The following ITGB8 variants were observed in gnomAD, a reference collection of about 807,000 sequenced individuals.
ITGB8 encodes the protein integrin subunit beta 8, also known as integrin beta-8.
In ITGB8, 30 loss-of-function variants were observed where a neutral mutation model predicts 89.5. That is an observed-to-expected ratio of 0.34 (90% CI 0.25 to 0.45). The LOEUF is 0.45. Ranked by LOEUF, ITGB8 falls within the 20% of genes least tolerant of loss-of-function variation. The pLI is 1.00. For missense variants in ITGB8, 836 were observed against 933.3 expected (o/e 0.90, Z 1.36); for synonymous variants, 335 against 320.4 (o/e 1.05, Z -0.49).
At chr7:20,387,366 G>C (rs1236147745) in intron 6 of ITGB8, among the ~76,000 whole-genome samples, 2 of 152,128 alleles carry the variant, frequency 1.3e-5, no homozygotes, top group African/African-American at 4.8e-5. Flanking sequence ...GTAAGTGAAG[G>C]CTTTACGAAG....
At chr7:20,361,605 C>A (rs1785507342) in intron 1 of ITGB8, among the ~76,000 whole-genome samples, 1 of 152,170 alleles carries the variant, frequency 6.6e-6, no homozygotes. Flanking sequence ...AATACTATTG[C>A]ATTAGAGGCT....
At chr7:20,376,542 C>A (rs994529602) in intron 3 of ITGB8, among the ~76,000 whole-genome samples, 4 of 152,112 alleles carry the variant, frequency 2.6e-5, no homozygotes, top group Non-Finnish European at 5.9e-5. Flanking sequence ...GGACACCTGC[C>A]CCCAAGAGTC....
At chr7:20,398,256 G>A (rs1787169832) in intron 8 of ITGB8, among the ~76,000 whole-genome samples, 2 of 152,128 alleles carry the variant, frequency 1.3e-5, no homozygotes, top group African/African-American at 2.4e-5. Context: ...AAGTCCCAAG[G>A]ACTTGGGAAA....
In ITGB8 at chr7:20,332,102, G is replaced by A. The variant is rs567623405; in HGVS notation, c.127+169G>A. The A allele has an allele frequency of 6.6e-6, 9 of 1,356,962 alleles. No homozygotes were observed. In the South Asian group the frequency reaches 9.8e-5, roughly 15 times the overall value. 84.1% of individuals were successfully genotyped at this position (1,356,962 alleles called of 1,614,324 possible). A position where few individuals can be genotyped will look rare whatever the true frequency, so the allele number is the denominator to read the frequency against. ...CCAGCACAGATGGCCTAGAGGCCAG[G>A]TGTCAAGCATTTCTGCCCTGGAGCG... is the stretch of plus-strand genomic sequence containing the variant. On this transcript the variant is annotated intron_variant, in intron 1 of 13. Coordinates refer to ENST00000222573, the MANE Select transcript of ITGB8 (RefSeq NM_002214.3).
chr7:20,347,431 T>C (rs955013063), intron 1 of ITGB8, among the ~76,000 whole-genome samples: 1 of 151,982 alleles, frequency 6.6e-6, no homozygotes, highest in African/African-American at 2.4e-5. Flanking sequence ...AAGCAAATGA[T>C]CGATAAGGAA....
chr7:20,330,320 G>A (rs556142748), upstream of ITGB8, among the ~76,000 whole-genome samples: 1 of 152,328 alleles, frequency 6.6e-6, no homozygotes, highest in East Asian at 1.9e-4. Context: ...AGGGCGTTGG[G>A]GGCAGGGGAG....
chr7:20,378,251 C>G (rs1021307280), intron 3 of ITGB8, among the ~76,000 whole-genome samples: 1 of 152,174 alleles, frequency 6.6e-6, no homozygotes, highest in Non-Finnish European at 1.5e-5. Flanking sequence ...CGACATTTGT[C>G]CTTGTGGCAG....
chr7:20,336,042 G>A (rs1784565670), intron 1 of ITGB8, among the ~76,000 whole-genome samples: 1 of 112,436 alleles, frequency 8.9e-6, no homozygotes, highest in South Asian at 3.0e-4. Context: ...GTCTTGCTCT[G>A]TCGCCCAGGC....
chr7:20,396,208 G>A, intron 8 of ITGB8, among the ~76,000 whole-genome samples: 1 of 152,086 alleles, frequency 6.6e-6, no homozygotes. Flanking sequence ...GGAGGCCGAG[G>A]CAGGTGGATC....
chr7:20,391,558 C>A, intron 7 of ITGB8, 60 bp downstream of exon 7: 1 of 822,672 alleles, frequency 1.2e-6, no homozygotes, highest in Non-Finnish European at 1.9e-6. Context: ...GAAATTAAGA[C>A]ATTTCTTTAG....
chr7:20,399,657 T>C (rs1383021523), intron 9 of ITGB8, among the ~76,000 whole-genome samples: 2 of 151,874 alleles, frequency 1.3e-5, no homozygotes, highest in African/African-American at 2.4e-5. Flanking sequence ...TCTCCAAGGA[T>C]TGGCACAACG....
At chr7:20,387,887 T>G (rs1050546479) in intron 6 of ITGB8, among the ~76,000 whole-genome samples, 1 of 152,226 alleles carries the variant, frequency 6.6e-6, no homozygotes, top group Non-Finnish European at 1.5e-5. Context: ...ATCTGATTAC[T>G]TCTATGCTAT....
chr7:20,376,204 T>C (rs1271181970), intron 3 of ITGB8, among the ~76,000 whole-genome samples: 1 of 152,186 alleles, frequency 6.6e-6, no homozygotes, highest in Non-Finnish European at 1.5e-5. Context: ...CCTTTTCATG[T>C]AGCCACGTCC....
intron 8 of ITGB8, 52 bp from the exon 9 acceptor site, chr7:20,398,808 G>T: frequency 7.5e-7 from 1 of 1,328,142 alleles, no homozygotes; most frequent in South Asian, 1.9e-5. Context: ...CTGCTTTGTT[G>T]CTGACATTTG....
chr7:20,409,825 G>C, intron 13 of ITGB8, 47 bp downstream of exon 13: 1 of 1,606,888 alleles, frequency 6.2e-7, no homozygotes. Flanking sequence ...TTATTGCCTA[G>C]TTACAATATT....
chr7:20,403,422 A>C (rs1283421815), intron 10 of ITGB8, among the ~76,000 whole-genome samples: 1 of 152,228 alleles, frequency 6.6e-6, no homozygotes, highest in Admixed American at 6.5e-5. Flanking sequence ...TTTCTATATG[A>C]GTATGATACT....
chr7:20,330,757 T>TG (rs1784349279), upstream of ITGB8: 1 of 152,052 alleles, frequency 6.6e-6, no homozygotes, highest in Non-Finnish European at 1.5e-5. Flanking sequence ...TCCGGTAGCG[T>TG]GGGGAGGTTT....
intron 12 of ITGB8, among the ~76,000 whole-genome samples, chr7:20,407,131 G>A (rs1232266898): frequency 6.6e-6 from 1 of 152,136 alleles, no homozygotes; most frequent in African/African-American, 2.4e-5. Flanking sequence ...GGTTCACTGA[G>A]GCCTTGACAG....
At position 20,379,042 on chromosome 7, in the gene ITGB8, T is replaced by C; in HGVS notation, c.389-9T>C. 3.8e-6 allele frequency: 6 copies of C among 1,567,822 alleles called. No individual in the cohort carries two copies. The highest frequency in any genetic ancestry group is 5.2e-6 in the Non-Finnish European group (6 of 1,159,794). On this transcript the variant is annotated splice_polypyrimidine_tract_variant and intron_variant, in intron 3 of 13. Transcript: ENST00000222573. ...AAGACTACATGATGTTTTTCTTCTA[T>C]TGAACTAGGAGCCGAAGCTAATTTT...
Sources: gnomAD v4.1 joint callset for allele counts (sites outside exome capture counted in the v4.1 genomes callset) on GRCh38, gnomAD v4.1.1 for gene constraint, MANE v1.5 for transcripts, NCBI Gene and HGNC (gene_info 2026-07-23, HGNC 2026-07-21) for gene names.